Variants in CCND1 observed in about 807,000 individuals in gnomAD.
CCND1 encodes the protein cyclin D1.
In CCND1, 9 loss-of-function variants were observed where a neutral mutation model predicts 26.1. The observed-to-expected ratio is 0.35, with a 90% CI of 0.21 to 0.60. CCND1 has a LOEUF of 0.60. CCND1 is among the 20% of genes least tolerant of loss of function. The pLI is 0.79. For missense variants in CCND1, 335 were observed against 392.9 expected, an observed-to-expected ratio of 0.85 and a Z score of 1.25; for synonymous variants, 194 against 166.1, an observed-to-expected ratio of 1.17 and a Z score of -1.29.
intron 4 of CCND1, 64 bp downstream of exon 4, chr11:69,648,206 C>A (rs375774600): frequency 6.3e-7 from 1 of 1,587,436 alleles, no homozygotes; most frequent in Non-Finnish European, 8.6e-7. Context: ...CCTAGTGCCA[C>A]GGAAATGCCG....
chr11:69,648,990 T>C (rs567430775), intron 4 of CCND1, among the ~76,000 whole-genome samples: 3 of 152,264 alleles, frequency 2.0e-5, no homozygotes, highest in Admixed American at 6.5e-5. Context: ...GCCCAGCCCA[T>C]GTGTGTCTCG....
At chr11:69,641,832 CCCCGCCTGCGCCCCAG>C (rs941311790) in intron 1 of CCND1, among the ~76,000 whole-genome samples, 2 of 152,000 alleles carry the variant, frequency 1.3e-5, no homozygotes, top group Non-Finnish European at 2.9e-5. Flanking sequence ...GCTTTGTGTC[CCCCGCCTGCGCCCCAG>C]CCCGGCTGCG....
At position 69,654,383 on chromosome 11, in the gene CCND1, C is replaced by T. The variant is rs1339061438; in HGVS notation, c.*3101C>T. On this transcript the variant is annotated 3_prime_UTR_variant, in exon 5 of 5. Transcript: ENST00000227507. This position sits in a 1 kb window ranked among gnomAD's most constrained non-coding sequence, Gnocchi z 6.3. ...CTGTGCATTTCTGGTTGCACCGCGG[C>T]GCTTCCCAGCACCAACATGTAACCG... 1.7e-5 allele frequency: 12 copies of T among 701,180 alleles called. No homozygotes were observed. Among genetic ancestry groups the T allele is most frequent in the Non-Finnish European group, 2.9e-5 (11 of 384,178 alleles). 43.4% of individuals were successfully genotyped at this position (701,180 alleles called of 1,614,324 possible).
At chr11:69,651,070 C>A (rs780935124) in intron 4 of CCND1, 48 bp from the exon 5 acceptor site, 1 of 1,580,030 alleles carries the variant, frequency 6.3e-7, no homozygotes, top group Non-Finnish European at 8.6e-7. Flanking sequence ...CTGCAGGCCC[C>A]TTCTAAGGAC....
Position 69,641,484 on chromosome 11 carries a change from G to A in CCND1, c.171G>A (p.Arg57=), listed in dbSNP as rs2120081547. ...CVQKEVLPSM[R]KIVATWMLEV... ...AGAAGGAGGTCCTGCCGTCCATGCG[G>A]AAGATCGTCGCCACCTGGATGCTGG... The change falls in exon 1 of 5, where the codon CGG becomes CGA. Residue 57 remains arginine (R), a synonymous_variant. Coordinates refer to ENST00000227507, the MANE Select transcript of CCND1 (RefSeq NM_053056.3). 5 of 1,613,280 alleles carry A rather than the reference G, an allele frequency of 3.1e-6. No homozygotes were observed. Among genetic ancestry groups the A allele is most frequent in the Non-Finnish European group, 1.7e-6 (2 of 1,179,992 alleles).
At position 69,654,031 on chromosome 11, in the gene CCND1, G is replaced by T. The variant is rs551296182; in HGVS notation, c.*2749G>T. 2.7e-4 allele frequency: 164 copies of T among 600,564 alleles called. No homozygotes were observed. The African/African-American group carries it at 2.9e-3, about 11-fold the overall frequency. 37.2% of individuals were successfully genotyped at this position (600,564 alleles called of 1,614,324 possible). On this transcript the variant is annotated 3_prime_UTR_variant, in exon 5 of 5. Coordinates refer to ENST00000227507, the MANE Select transcript of CCND1 (RefSeq NM_053056.3). The surrounding 1 kb of genome is among the most constrained non-coding windows in gnomAD (Gnocchi z 6.3). ...CACCTAGCAAGCTGCCGAACCAAAA[G>T]AATTTGCACCCCGCTGCGGGCCCAC...
Position 69,653,188 on chromosome 11 carries a change from G to T in CCND1, c.*1906G>T. 1.5e-6 allele frequency: 1 copy of T among 666,996 alleles called. No homozygotes were observed. The allele number at this position is 666,996 out of a possible 1,614,324, so 41.3% of individuals were successfully genotyped here. ...GGAGGTGTGAGGAGGAGGCTCCCGA[G>T]GGGAAGGGGCGGTGCCCACACCGGG... On this transcript the variant is annotated 3_prime_UTR_variant, in exon 5 of 5. Coordinates refer to ENST00000227507, the MANE Select transcript of CCND1 (RefSeq NM_053056.3).
Position 69,641,587 on chromosome 11 carries a change from C to A in CCND1, c.198+76C>A, listed in dbSNP as rs541049900. 3.0e-6 allele frequency: 4 copies of A among 1,353,742 alleles called. No homozygotes were observed. The South Asian group carries it at 3.5e-5, about 12-fold the overall frequency. 83.9% of individuals were successfully genotyped at this position (1,353,742 alleles called of 1,614,324 possible). ...AGACCCACGTTTCTTTGCTACTCAC[C>A]CCCCTCCCTTCTCTCCCGCTAGAAC... is the stretch of plus-strand genomic sequence containing the variant. On this transcript the variant is annotated intron_variant, in intron 1 of 4. Transcript: ENST00000227507.
chr11:69,653,697 G>C lies in CCND1; in HGVS notation c.*2415G>C. ...GCCTGTGATGCTGGGCACTTCATCT[G>C]ATCGGGGGCGTAGCATCATAGTAGT... is the stretch of plus-strand genomic sequence containing the variant. On this transcript the variant is annotated 3_prime_UTR_variant, in exon 5 of 5. Coordinates refer to ENST00000227507, the MANE Select transcript of CCND1 (RefSeq NM_053056.3). 1 of 322,884 alleles carries C rather than the reference G, an allele frequency of 3.1e-6. No homozygotes were observed. Among genetic ancestry groups the C allele is most frequent in the Non-Finnish European group, 5.7e-6 (1 of 175,452 alleles). 20.0% of individuals were successfully genotyped at this position (322,884 alleles called of 1,614,324 possible).
chr11:69,643,027 G>A lies in CCND1; in HGVS notation c.199-4G>A, dbSNP rs1339178943. ...CGGCGGTCACGGGCCCCGTGCCTCC[G>A]TAGGTCTGCGAGGAACAGAAGTGCG... On this transcript the variant is annotated splice_polypyrimidine_tract_variant and splice_region_variant and intron_variant, in intron 1 of 4. Coordinates refer to ENST00000227507, the MANE Select transcript of CCND1 (RefSeq NM_053056.3). 6 of 1,575,240 alleles carry A rather than the reference G, an allele frequency of 3.8e-6. No homozygotes were observed. Among genetic ancestry groups the A allele is most frequent in the South Asian group, 1.1e-5 (1 of 87,096 alleles).
intron 3 of CCND1, among the ~76,000 whole-genome samples, chr11:69,644,348 A>C (rs1855752545): frequency 6.6e-6 from 1 of 151,616 alleles, no homozygotes; most frequent in Non-Finnish European, 1.5e-5. Context: ...TTCTCCACCC[A>C]CCTCCAGCCC....
chr11:69,643,734 C>T (rs561540846), intron 2 of CCND1, 98 bp from the exon 3 acceptor site: 6 of 1,168,186 alleles, frequency 5.1e-6, no homozygotes, highest in Admixed American at 2.4e-5. Context: ...TGCTCTGAGC[C>T]GGAGGTGCGG....
chr11:69,644,043 G>A (rs2120095901), intron 3 of CCND1, 52 bp downstream of exon 3: 2 of 1,590,896 alleles, frequency 1.3e-6, no homozygotes, highest in Non-Finnish European at 1.7e-6. Flanking sequence ...GGCTCCTTAG[G>A]TGACCCTGGC....
intron 2 of CCND1, chr11:69,643,454 G>A: frequency 2.1e-6 from 1 of 477,290 alleles, no homozygotes; most frequent in Non-Finnish European, 3.6e-6. Flanking sequence ...GCTTGCCTGC[G>A]ACTCCCACCG....
At position 69,653,313 on chromosome 11, in the gene CCND1, T is replaced by G. The variant is rs1401813696; in HGVS notation, c.*2031T>G. On this transcript the variant is annotated 3_prime_UTR_variant, in exon 5 of 5. Transcript: ENST00000227507. ...GCTTCTGTGTATCTCTTTCACATTGTTTGCTGCTATTGGAGGATCAGTTTT... is the reference window on the plus strand; with the variant it reads ...GCTTCTGTGTATCTCTTTCACATTGGTTGCTGCTATTGGAGGATCAGTTTT... 1.4e-6 allele frequency: 1 copy of G among 702,958 alleles called. No homozygotes were observed. The highest frequency in any genetic ancestry group is 2.3e-4 in the Middle Eastern group (1 of 4,370). 43.5% of individuals were successfully genotyped at this position (702,958 alleles called of 1,614,324 possible). A position where few individuals can be genotyped will look rare whatever the true frequency, so the allele number is the denominator to read the frequency against.
chr11:69,653,565 C>G lies in CCND1; in HGVS notation c.*2283C>G, dbSNP rs960291962. ...CTGCCTGCTTTGGCGGGCAGACACG[C>G]GGGCGCGATCCCACACAGGCTGGCG... On this transcript the variant is annotated 3_prime_UTR_variant, in exon 5 of 5. Coordinates refer to ENST00000227507, the MANE Select transcript of CCND1 (RefSeq NM_053056.3). The G allele has an allele frequency of 3.7e-6, 2 of 536,414 alleles. No individual in the cohort carries two copies. The highest frequency in any genetic ancestry group is 7.4e-5 in the Admixed American group (2 of 26,874). The allele number at this position is 536,414 out of a possible 1,614,324, so 33.2% of individuals were successfully genotyped here. A position where few individuals can be genotyped will look rare whatever the true frequency, so the allele number is the denominator to read the frequency against.
Position 69,651,432 on chromosome 11 carries a change from C to G in CCND1, c.*150C>G. The G allele has an allele frequency of 1.6e-6, 1 of 621,494 alleles. No individual in the cohort carries two copies. The highest frequency in any genetic ancestry group is 3.4e-5 in the East Asian group (1 of 29,222). The allele number at this position is 621,494 out of a possible 1,614,324, so 38.5% of individuals were successfully genotyped here. A position where few individuals can be genotyped will look rare whatever the true frequency, so the allele number is the denominator to read the frequency against. ...GTTGTTGGTTGTTTTTTCCTTTGCT[C>G]TTTCCCCCTTCCATCTCTGACTTAA... is the stretch of plus-strand genomic sequence containing the variant. On this transcript the variant is annotated 3_prime_UTR_variant, in exon 5 of 5. Transcript: ENST00000227507.
At chr11:69,648,885 A>T (rs565034880) in intron 4 of CCND1, among the ~76,000 whole-genome samples, 1 of 148,004 alleles carries the variant, frequency 6.8e-6, no homozygotes, top group Non-Finnish European at 1.5e-5. Flanking sequence ...CCTCCCGGGG[A>T]CTCCGCACGG....
intron 3 of CCND1, among the ~76,000 whole-genome samples, chr11:69,645,678 CAA>C (rs1855769037): frequency 6.6e-6 from 1 of 152,314 alleles, no homozygotes; most frequent in Non-Finnish European, 1.5e-5. Flanking sequence ...TCTGTGGAGA[CAA>C]GAGTGACTTA....
Sources: gnomAD v4.1 joint callset for allele counts (sites outside exome capture counted in the v4.1 genomes callset) on GRCh38, gnomAD v4.1.1 for gene constraint, Gnocchi (gnomAD v3.1) non-coding constraint, MANE v1.5 for transcripts, NCBI Gene and HGNC (gene_info 2026-07-23, HGNC 2026-07-21) for gene names.